Variants in ZNF385D observed in about 807,000 individuals in gnomAD.
The protein encoded by ZNF385D is zinc finger protein 385D.
ZNF385D carries 15 observed loss-of-function variants against 35.8 expected under a neutral mutation model. The ratio of observed to expected loss-of-function variants is 0.42; its 90% CI spans 0.28 to 0.64. ZNF385D has a LOEUF of 0.64. ZNF385D is among the 30% of genes least tolerant of loss of function. The pLI is 0.23. For synonymous variants in ZNF385D, 212 were observed against 186.8 expected (o/e 1.13, Z -1.10); for missense variants, 474 against 494.6 (o/e 0.96, Z 0.39).
intron 1 of ZNF385D, among the ~76,000 whole-genome samples, chr3:21,701,241 G>A (rs1265700160): frequency 1.3e-5 from 2 of 152,280 alleles, no homozygotes; most frequent in East Asian, 3.9e-4. Flanking sequence ...ACACGGCTCG[G>A]TAGGCCTCAG....
chr3:22,134,357 G>A (rs544234769), intron 3 of ZNF385D: 1 of 152,082 alleles, frequency 6.6e-6, no homozygotes, highest in South Asian at 2.1e-4. Flanking sequence ...TCCCTACCAT[G>A]GAACTTCCAA....
At chr3:22,326,902 T>C (rs191571770) in intron 2 of ZNF385D, among the ~76,000 whole-genome samples, 1 of 152,188 alleles carries the variant, frequency 6.6e-6, no homozygotes, top group Non-Finnish European at 1.5e-5. Flanking sequence ...AGCAAGTTGA[T>C]AAAAGCAGTC....
At chr3:21,924,260 G>C (rs1482770118) in intron 3 of ZNF385D, among the ~76,000 whole-genome samples, 1 of 152,142 alleles carries the variant, frequency 6.6e-6, no homozygotes, top group African/African-American at 2.4e-5. Context: ...TAAAGGTGAA[G>C]AGAAGAAGGC....
intron 3 of ZNF385D, among the ~76,000 whole-genome samples, chr3:21,545,843 T>A (rs1032265010): frequency 6.6e-6 from 1 of 152,128 alleles, no homozygotes; most frequent in Non-Finnish European, 1.5e-5. Context: ...ACTCCAAGTT[T>A]ATCTTGGGAC....
chr3:22,368,866 C>T (rs1324977537), intron 2 of ZNF385D, among the ~76,000 whole-genome samples: 1 of 152,120 alleles, frequency 6.6e-6, no homozygotes, highest in Admixed American at 6.6e-5. Context: ...CTTTACCAGG[C>T]TCTAAAAAAG....
chr3:21,786,135 C>A (rs931540931), intron 3 of ZNF385D, among the ~76,000 whole-genome samples: 1 of 152,030 alleles, frequency 6.6e-6, no homozygotes, highest in Admixed American at 6.6e-5. Flanking sequence ...TGTTCAACAT[C>A]ACAAACGTAA....
chr3:21,900,425 G>T (rs1159468113), intron 3 of ZNF385D, among the ~76,000 whole-genome samples: 1 of 152,054 alleles, frequency 6.6e-6, no homozygotes, highest in Non-Finnish European at 1.5e-5. Flanking sequence ...TTATAATAAT[G>T]TTGTTATTGA....
intron 3 of ZNF385D, among the ~76,000 whole-genome samples, chr3:22,087,228 C>T (rs1047757002): frequency 6.6e-6 from 1 of 150,942 alleles, no homozygotes; most frequent in Non-Finnish European, 1.5e-5. Context: ...GCAATAAACT[C>T]TTTTTTTTTC....
At chr3:21,697,152 A>G (rs571984109) in intron 1 of ZNF385D, among the ~76,000 whole-genome samples, 2 of 152,088 alleles carry the variant, frequency 1.3e-5, no homozygotes, top group African/African-American at 2.4e-5. Flanking sequence ...CTGCTTCCTC[A>G]TCGTTAAAGG....
chr3:21,885,084 C>T (rs1177002733), intron 3 of ZNF385D, among the ~76,000 whole-genome samples: 1 of 151,872 alleles, frequency 6.6e-6, no homozygotes, highest in Non-Finnish European at 1.5e-5. Context: ...AAAAACTTAC[C>T]AACTTCTTCT....
At chr3:21,979,463 G>A (rs910850711) in intron 3 of ZNF385D, among the ~76,000 whole-genome samples, 6 of 152,170 alleles carry the variant, frequency 3.9e-5, no homozygotes, top group African/African-American at 1.2e-4. Flanking sequence ...CCACAACTCA[G>A]TTACGCTGGC....
At chr3:22,117,796 T>G (rs1218829358) in intron 3 of ZNF385D, among the ~76,000 whole-genome samples, 3 of 152,048 alleles carry the variant, frequency 2.0e-5, no homozygotes, top group African/African-American at 7.2e-5. Flanking sequence ...AAATATTCAC[T>G]TTTCTATATT....
chr3:21,653,816 A>C (rs2065993603), intron 2 of ZNF385D, among the ~76,000 whole-genome samples: 1 of 152,042 alleles, frequency 6.6e-6, no homozygotes, highest in African/African-American at 2.4e-5. Flanking sequence ...AGCTCCATCT[A>C]TCTGAGTACA....
intron 1 of ZNF385D, among the ~76,000 whole-genome samples, chr3:21,690,672 A>G (rs1018445710): frequency 3.3e-5 from 5 of 152,172 alleles, no homozygotes; most frequent in African/African-American, 1.2e-4. Context: ...GCTCTACTCC[A>G]GTGGTTCTCA....
chr3:22,136,943 G>A (rs1269683278), intron 3 of ZNF385D, among the ~76,000 whole-genome samples: 2 of 152,118 alleles, frequency 1.3e-5, no homozygotes, highest in Admixed American at 6.5e-5. Context: ...GGGATGATTA[G>A]ATAGAGCACA....
chr3:21,520,075 C>G (rs369621201), intron 3 of ZNF385D, among the ~76,000 whole-genome samples: 17 of 152,194 alleles, frequency 1.1e-4, no homozygotes, highest in East Asian at 9.7e-4. Flanking sequence ...GATAAATGAG[C>G]AATAGCTCTC....
chr3:21,810,552 G>C (rs1028619979), intron 3 of ZNF385D, among the ~76,000 whole-genome samples: 5 of 151,956 alleles, frequency 3.3e-5, no homozygotes, highest in Non-Finnish European at 7.4e-5. Context: ...GTGTATGTAT[G>C]TATGTATATG....
chr3:22,291,296 G>A (rs570873590), intron 2 of ZNF385D, among the ~76,000 whole-genome samples: 2 of 152,200 alleles, frequency 1.3e-5, no homozygotes, highest in African/African-American at 2.4e-5. Flanking sequence ...TTTATTGGAA[G>A]GAAAGATTAT....
At chr3:22,081,291 T>G (rs193291264) in intron 3 of ZNF385D, among the ~76,000 whole-genome samples, 1 of 152,292 alleles carries the variant, frequency 6.6e-6, no homozygotes, top group Admixed American at 6.5e-5. Flanking sequence ...GGGAGCTATA[T>G]AGTATAGAAC....
Sources: gnomAD v4.1 joint callset for allele counts (sites outside exome capture counted in the v4.1 genomes callset) on GRCh38, gnomAD v4.1.1 for gene constraint, MANE v1.5 for transcripts, NCBI Gene and HGNC (gene_info 2026-07-23, HGNC 2026-07-21) for gene names.